Variants in TRIM67 observed in about 807,000 individuals in gnomAD.
The protein encoded by TRIM67 is tripartite motif containing 67.
A neutral mutation model predicts 71.0 loss-of-function variants in TRIM67; 39 were observed. The observed-to-expected ratio is 0.55, with a 90% CI of 0.43 to 0.72. The LOEUF is 0.72. TRIM67 is among the 30% of genes least tolerant of loss of function. The pLI, the probability that TRIM67 is intolerant of heterozygous loss-of-function variation, is 0.00. For synonymous variants in TRIM67, 481 were observed against 473.9 expected, an observed-to-expected ratio of 1.01 and a Z score of -0.19; for missense variants, 973 against 1,079.2, an observed-to-expected ratio of 0.90 and a Z score of 1.38.
At chr1:231,168,060 C>G (rs1445557221) in intron 1 of TRIM67, among the ~76,000 whole-genome samples, 1 of 152,020 alleles carries the variant, frequency 6.6e-6, no homozygotes, top group African/African-American at 2.4e-5. Flanking sequence ...TTCCTGGGCT[C>G]AAACGATCCT....
intron 1 of TRIM67, among the ~76,000 whole-genome samples, chr1:231,165,383 C>T (rs745722211): frequency 1.4e-4 from 22 of 152,164 alleles, no homozygotes; most frequent in African/African-American, 5.1e-4. Flanking sequence ...AAGACAATTG[C>T]GGTAAGGATT....
chr1:231,180,634 G>GGGTGCCTTCC (rs1682876056), intron 1 of TRIM67, among the ~76,000 whole-genome samples: 1 of 152,064 alleles, frequency 6.6e-6, no homozygotes, highest in South Asian at 2.1e-4. Flanking sequence ...TGAATCAAGG[G>GGGTGCCTTCC]AAGGAAGAAA....
chr1:231,192,490 A>T (rs959369341), intron 1 of TRIM67, among the ~76,000 whole-genome samples: 1 of 149,890 alleles, frequency 6.7e-6, no homozygotes, highest in African/African-American at 2.5e-5. Flanking sequence ...TCCATCTCTT[A>T]AAAAAAAAAT....
intron 1 of TRIM67, among the ~76,000 whole-genome samples, chr1:231,192,290 C>T (rs963374090): frequency 2.0e-5 from 3 of 152,136 alleles, no homozygotes; most frequent in Admixed American, 2.0e-4. Context: ...GTAGCTGAGA[C>T]TAGAGGCACA....
chr1:231,167,868 T>C (rs1386658733), intron 1 of TRIM67, among the ~76,000 whole-genome samples: 1 of 152,218 alleles, frequency 6.6e-6, no homozygotes, highest in East Asian at 1.9e-4. Flanking sequence ...AAACACCTCT[T>C]CTATTAAAAG....
At chr1:231,172,398 C>T (rs1682640947) in intron 1 of TRIM67, among the ~76,000 whole-genome samples, 1 of 152,028 alleles carries the variant, frequency 6.6e-6, no homozygotes, top group African/African-American at 2.4e-5. Context: ...ACGAATAAGG[C>T]AAGAGTTTGG....
intron 4 of TRIM67, 82 bp downstream of exon 4, chr1:231,200,340 G>T: frequency 1.1e-6 from 1 of 873,302 alleles, no homozygotes; most frequent in Non-Finnish European, 1.9e-6. Flanking sequence ...TTCTAGGCAA[G>T]ATCCTTTCAC....
At chr1:231,212,879 C>G (rs1184803032) in intron 8 of TRIM67, among the ~76,000 whole-genome samples, 1 of 152,152 alleles carries the variant, frequency 6.6e-6, no homozygotes, top group African/African-American at 2.4e-5. Flanking sequence ...CAAAGTACGA[C>G]GTTGCCAACA....
Position 231,180,992 on chromosome 1 carries a change from A to G in TRIM67, c.1045-16379A>G, listed in dbSNP as rs1682889596. ...TTGTTTGTTTGTTTGTTTGTGATGG[A>G]GTCTCGCTCTGTCGCCAGGCTAGAG... is the stretch of plus-strand genomic sequence containing the variant. On this transcript the variant is annotated intron_variant, in intron 1 of 9. Coordinates refer to ENST00000366653, the MANE Select transcript of TRIM67 (RefSeq NM_001004342.5). Among the ~76,000 whole-genome samples the G allele has an allele frequency of 2.0e-5, 3 of 151,956 alleles. No homozygotes were observed. The South Asian group carries it at 6.2e-4, about 32-fold the overall frequency.
intron 1 of TRIM67, among the ~76,000 whole-genome samples, chr1:231,183,674 C>T (rs899998913): frequency 4.1e-4 from 62 of 152,190 alleles, no homozygotes; most frequent in African/African-American, 1.1e-3. Flanking sequence ...AGAATCAATA[C>T]GAACTTTGAG....
At chr1:231,188,343 A>C (rs1386030039) in intron 1 of TRIM67, among the ~76,000 whole-genome samples, 2 of 152,204 alleles carry the variant, frequency 1.3e-5, no homozygotes, top group South Asian at 4.1e-4. Flanking sequence ...ACAGCTGCAC[A>C]TTTGAAATCC....
In TRIM67 at chr1:231,215,634, C is replaced by A; in HGVS notation, c.*194C>A. The A allele has an allele frequency of 1.5e-6, 2 of 1,344,792 alleles. No individual in the cohort carries two copies. The highest frequency in any genetic ancestry group is 1.9e-6 in the Non-Finnish European group (2 of 1,046,464). The allele number at this position is 1,344,792 out of a possible 1,614,324, so 83.3% of individuals were successfully genotyped here. On this transcript the variant is annotated 3_prime_UTR_variant, in exon 10 of 10. Transcript: ENST00000366653. ...GGTCCACGGGCCATGCTCACAGCTG[C>A]CACTGTCAGTGGCAAAGGAAGGTAC...
chr1:231,196,081 C>G (rs1162939537), intron 1 of TRIM67, among the ~76,000 whole-genome samples: 3 of 152,118 alleles, frequency 2.0e-5, no homozygotes. Context: ...TGGAGATGGA[C>G]AGCAAACAAG....
At chr1:231,177,164 A>G (rs553887104) in intron 1 of TRIM67, among the ~76,000 whole-genome samples, 27 of 152,218 alleles carry the variant, frequency 1.8e-4, no homozygotes, top group Non-Finnish European at 3.7e-4. Context: ...AATTGGTGCT[A>G]AAATATGTGG....
chr1:231,171,202 T>C (rs1344635455), intron 1 of TRIM67, among the ~76,000 whole-genome samples: 1 of 152,052 alleles, frequency 6.6e-6, no homozygotes, highest in African/African-American at 2.4e-5. Flanking sequence ...CCAGTCAGGA[T>C]CTTTAGGTTA....
rs749732534 is a variant in TRIM67, at chr1:231,163,804, G to A, written c.835G>A (p.Gly279Ser). The A allele has an allele frequency of 2.7e-6, 4 of 1,494,648 alleles. No homozygotes were observed. Among genetic ancestry groups the A allele is most frequent in the Non-Finnish European group, 3.6e-6 (4 of 1,118,166 alleles). 92.6% of individuals were successfully genotyped at this position (1,494,648 alleles called of 1,614,324 possible). The change falls in exon 1 of 10, where the codon GGC becomes AGC. Residue 279 changes from glycine (G) to serine (S), a missense_variant. Physicochemically the swap from Gly to Ser is moderately conservative, Grantham distance 56 (BLOSUM62 0). Transcript: ENST00000366653. ...CGCCCAGGGCGCCCCCAGCGGAGGC[G>A]GCGGCTGCAAGAGCCCGGGAGGCGC... is the stretch of plus-strand genomic sequence containing the variant. ...GTAQGAPSGG[G>S]GCKSPGGAGA... is the part of the protein sequence containing the mutation.
Position 231,206,772 on chromosome 1 carries a change from G to A in TRIM67, c.1801G>A (p.Val601Ile), listed in dbSNP as rs758688949. Reference protein sequence around the residue: ...SGVGPYSKTVVLQTSDVAWFT... With the variant: ...SGVGPYSKTVILQTSDVAWFT... ...TGTCGGGCCTTACAGTAAAACTGTC[G>A]TCCTGCAGACATCCGATGGTGAGCA... The change falls in exon 7 of 10, where the codon GTC becomes ATC. Residue 601 changes from valine to isoleucine, a missense_variant. Physicochemically the swap from Val to Ile is conservative, Grantham distance 29 (BLOSUM62 3). Around this residue, in one of 2 missense-constraint regions of TRIM67, gnomAD observed 795 missense variants for 831.3 expected, o/e 0.96. Transcript: ENST00000366653. 1.9e-5 allele frequency: 30 copies of A among 1,603,904 alleles called. No individual in the cohort carries two copies. Among genetic ancestry groups the A allele is most frequent in the East Asian group, 4.5e-5 (2 of 44,342 alleles).
chr1:231,209,361 G>C lies in TRIM67; in HGVS notation c.2123+111G>C. 1.6e-6 allele frequency: 2 copies of C among 1,252,668 alleles called. No homozygotes were observed. The highest frequency in any genetic ancestry group is 2.1e-6 in the Non-Finnish European group (2 of 933,370). The allele number at this position is 1,252,668 out of a possible 1,614,324, so 77.6% of individuals were successfully genotyped here. On this transcript the variant is annotated intron_variant, in intron 8 of 9. Coordinates refer to ENST00000366653, the MANE Select transcript of TRIM67 (RefSeq NM_001004342.5). The surrounding 1 kb of genome is among the most constrained non-coding windows in gnomAD (Gnocchi z 4.1). Reference sequence around the variant, plus strand: ...CCAAAGCCAGGAGGAATTGAGAGGAGGTATTTTCAGCCACTTTGGTCTCCA... The same window carrying C: ...CCAAAGCCAGGAGGAATTGAGAGGACGTATTTTCAGCCACTTTGGTCTCCA...
At chr1:231,182,498 C>T (rs1039005814) in intron 1 of TRIM67, among the ~76,000 whole-genome samples, 1 of 152,134 alleles carries the variant, frequency 6.6e-6, no homozygotes, top group African/African-American at 2.4e-5. Flanking sequence ...GACATCTCAA[C>T]AGGACTTGAA....
Sources: gnomAD v4.1 joint callset for allele counts (sites outside exome capture counted in the v4.1 genomes callset) on GRCh38, gnomAD v4.1.1 for gene constraint, gnomAD v4.1.1 regional missense constraint, Gnocchi (gnomAD v3.1) non-coding constraint, MANE v1.5 for transcripts, NCBI Gene and HGNC (gene_info 2026-07-23, HGNC 2026-07-21) for gene names.